BCKDHB: variants seen among roughly 807,000 people sequenced by gnomAD.
BCKDHB encodes the protein 2-oxoisovalerate dehydrogenase subunit beta, mitochondrial.
BCKDHB carries 41 observed loss-of-function variants against 48.5 expected under a neutral mutation model. That is an observed-to-expected ratio of 0.85 (90% CI 0.66 to 1.10). The LOEUF (loss-of-function observed/expected upper bound fraction) is 1.10, where lower values mean the gene tolerates loss of function less well. Ranked by LOEUF, BCKDHB falls within the 50% of genes least tolerant of loss-of-function variation. The probability of loss-of-function intolerance (pLI) is 0.00; values close to 1 mark genes in which losing one functional copy is unlikely to be tolerated. For synonymous variants in BCKDHB, 201 were observed against 174.8 expected (o/e 1.15, Z -1.18); for missense variants, 496 against 494.2 (o/e 1.00, Z -0.03).
At chr6:80,320,763 A>T (rs1315711274) in intron 9 of BCKDHB, among the ~76,000 whole-genome samples, 1 of 152,190 alleles carries the variant, frequency 6.6e-6, no homozygotes. Flanking sequence ...AAAATTATCA[A>T]CATTTGGTTA....
At chr6:80,270,485 T>C (rs968726847) in intron 8 of BCKDHB, among the ~76,000 whole-genome samples, 3 of 152,150 alleles carry the variant, frequency 2.0e-5, no homozygotes, top group African/African-American at 7.2e-5. Flanking sequence ...TCCATTTGTT[T>C]GTAGACAAGT....
At chr6:80,190,627 C>T (rs78921580) in intron 6 of BCKDHB, among the ~76,000 whole-genome samples, 2,828 of 152,238 alleles carry the variant, frequency 0.019, 90 homozygotes, top group African/African-American at 0.065. Context: ...ATTAGCTTTT[C>T]TCATTATTGT....
intron 3 of BCKDHB, among the ~76,000 whole-genome samples, chr6:80,131,461 C>T (rs73750057): frequency 7.8e-4 from 119 of 152,044 alleles, no homozygotes; most frequent in Non-Finnish European, 1.4e-3. Flanking sequence ...TCTAATCTGG[C>T]CCCTCCTTTC....
chr6:80,399,222 T>C, the BCKDHB span, among the ~76,000 whole-genome samples: 1 of 152,056 alleles, frequency 6.6e-6, no homozygotes, highest in African/African-American at 2.4e-5. Context: ...TTCACTACTA[T>C]TATTAACATA....
chr6:80,193,584 G>A (rs1040722504), intron 6 of BCKDHB, among the ~76,000 whole-genome samples: 1 of 152,056 alleles, frequency 6.6e-6, no homozygotes, highest in African/African-American at 2.4e-5. Flanking sequence ...GCTGGGTGTG[G>A]TGGCGGGCAC....
chr6:80,122,537 G>T (rs189587656), intron 1 of BCKDHB, among the ~76,000 whole-genome samples: 1 of 152,150 alleles, frequency 6.6e-6, no homozygotes, highest in African/African-American at 2.4e-5. Context: ...CAGCTGGGCC[G>T]CCGGGGGTGA....
At chr6:80,245,844 G>A (rs778609724) in intron 8 of BCKDHB, among the ~76,000 whole-genome samples, 8 of 152,160 alleles carry the variant, frequency 5.3e-5, no homozygotes, top group Admixed American at 3.3e-4. Flanking sequence ...GGGAGGCCGA[G>A]GCAGGTGGAT....
At chr6:80,326,284 G>A (rs1769027770) in intron 9 of BCKDHB, among the ~76,000 whole-genome samples, 2 of 152,154 alleles carry the variant, frequency 1.3e-5, no homozygotes, top group Non-Finnish European at 2.9e-5. Flanking sequence ...GAATGCTACT[G>A]TTTGATGAAT....
At chr6:80,273,983 A>G (rs186948753) in intron 9 of BCKDHB, among the ~76,000 whole-genome samples, 39 of 152,188 alleles carry the variant, frequency 2.6e-4, no homozygotes, top group Admixed American at 2.0e-3. Context: ...AATTCAGAAT[A>G]TCTTCGCAGT....
intron 3 of BCKDHB, among the ~76,000 whole-genome samples, chr6:80,151,448 G>A (rs1306309508): frequency 6.7e-6 from 1 of 149,130 alleles, no homozygotes. Context: ...TTTGTTTTTG[G>A]CCAAACATTA....
chr6:80,187,437 G>C (rs569574946), intron 6 of BCKDHB, among the ~76,000 whole-genome samples: 1 of 152,276 alleles, frequency 6.6e-6, no homozygotes, highest in African/African-American at 2.4e-5. Flanking sequence ...TTCTAACTCA[G>C]TAGAGAGGGT....
intron 9 of BCKDHB, among the ~76,000 whole-genome samples, chr6:80,328,206 C>T (rs1769138955): frequency 6.6e-6 from 1 of 152,118 alleles, no homozygotes; most frequent in African/African-American, 2.4e-5. Context: ...TGAATGCCTG[C>T]TTTGTGCCAG....
At chr6:80,154,239 AT>A (rs1413409352) in intron 3 of BCKDHB, among the ~76,000 whole-genome samples, 1 of 152,158 alleles carries the variant, frequency 6.6e-6, no homozygotes, top group African/African-American at 2.4e-5. Context: ...ATGGTGTTTT[AT>A]TTATCCCTTT....
chr6:80,131,078 G>C (rs944899999), intron 3 of BCKDHB, among the ~76,000 whole-genome samples: 1 of 152,178 alleles, frequency 6.6e-6, no homozygotes, highest in African/African-American at 2.4e-5. Flanking sequence ...TCTGCTGCCT[G>C]TCTGCCCAGG....
the BCKDHB span, among the ~76,000 whole-genome samples, chr6:80,428,833 C>A: frequency 6.6e-6 from 1 of 152,166 alleles, no homozygotes; most frequent in Non-Finnish European, 1.5e-5. Context: ...CCTGTTCACT[C>A]TGATGATAGT....
At chr6:80,240,385 G>T (rs2127910856) in intron 8 of BCKDHB, among the ~76,000 whole-genome samples, 1 of 152,104 alleles carries the variant, frequency 6.6e-6, no homozygotes, top group East Asian at 1.9e-4. Flanking sequence ...CAACTCACAT[G>T]CCTTGTAAGT....
chr6:80,170,042 T>C (rs1772824692), intron 5 of BCKDHB: 1 of 663,962 alleles, frequency 1.5e-6, no homozygotes, highest in Non-Finnish European at 1.9e-6. Context: ...TCCTCTTCCT[T>C]TTTCCTTTTT....
intron 3 of BCKDHB, among the ~76,000 whole-genome samples, chr6:80,130,695 T>C (rs1770584007): frequency 6.6e-6 from 1 of 152,228 alleles, no homozygotes; most frequent in African/African-American, 2.4e-5. Flanking sequence ...TTGGAAAATA[T>C]AGAAAAGCAT....
intron 8 of BCKDHB, among the ~76,000 whole-genome samples, chr6:80,242,167 G>A (rs1249548469): frequency 1.3e-5 from 2 of 151,980 alleles, no homozygotes. Context: ...ATTTTGAATA[G>A]TTTTAAAGTT....
Sources: gnomAD v4.1 joint callset for allele counts (sites outside exome capture counted in the v4.1 genomes callset) on GRCh38, gnomAD v4.1.1 for gene constraint, MANE v1.5 for transcripts, NCBI Gene and HGNC (gene_info 2026-07-23, HGNC 2026-07-21) for gene names.